Variants in COMMD1 observed in about 807,000 individuals in gnomAD.
COMMD1 encodes the protein copper metabolism domain containing 1.
In COMMD1, 10 loss-of-function variants were observed where a neutral mutation model predicts 17.2. The observed-to-expected ratio is 0.58, with a 90% CI of 0.36 to 0.99. The LOEUF (loss-of-function observed/expected upper bound fraction) is 0.99, where lower values mean the gene tolerates loss of function less well. Ranked by LOEUF, COMMD1 falls within the 50% of genes least tolerant of loss-of-function variation. COMMD1 has a pLI of 0.01. For missense variants in COMMD1, 270 were observed against 231.8 expected, an observed-to-expected ratio of 1.17 and a Z score of -1.07; for synonymous variants, 97 against 91.6, an observed-to-expected ratio of 1.06 and a Z score of -0.34.
chr2:61,891,917 C>T (rs910995105), intron 1 of COMMD1, among the ~76,000 whole-genome samples: 10 of 151,418 alleles, frequency 6.6e-5, no homozygotes, highest in Non-Finnish European at 1.2e-4. Flanking sequence ...CTGCAAGCTC[C>T]GCCTCCCGGG....
At position 62,025,939 on chromosome 2, in the gene COMMD1, C is replaced by G. The variant is rs147254407; in HGVS notation, c.462+24957C>G. ...AAACTCCTGGCCTCAAGTGATCTGC[C>G]TGCCTTGGCCTCCCAAAGTGGTGGG... On this transcript the variant is annotated intron_variant, in intron 2 of 2. Transcript: ENST00000311832. Among the ~76,000 whole-genome samples, 1,222 of 152,266 alleles carry G rather than the reference C, an allele frequency of 8.0e-3. 19 individuals are homozygous for G. The highest frequency in any genetic ancestry group is 0.028 in the African/African-American group (1,180 of 41,534).
intron 1 of COMMD1, among the ~76,000 whole-genome samples, chr2:61,984,416 A>G (rs1314011703): frequency 6.6e-6 from 1 of 152,198 alleles, no homozygotes; most frequent in South Asian, 2.1e-4. Flanking sequence ...ACAGTACCGT[A>G]TTGGTCATTC....
intron 2 of COMMD1, among the ~76,000 whole-genome samples, chr2:62,099,544 C>A (rs1391548082): frequency 1.3e-5 from 2 of 151,580 alleles, no homozygotes; most frequent in African/African-American, 4.8e-5. Flanking sequence ...CCTTTCCTCT[C>A]TTTTGGAGGG....
chr2:61,960,999 C>A (rs1573004658), intron 1 of COMMD1, among the ~76,000 whole-genome samples: 1 of 152,186 alleles, frequency 6.6e-6, no homozygotes, highest in African/African-American at 2.4e-5. Context: ...CTCTCTTCTC[C>A]CGGGGGCTGC....
rs538182738 is a variant in COMMD1, at chr2:61,946,907, C to T, written c.180+41049C>T. Among the ~76,000 whole-genome samples, 478 of 152,258 alleles carry T rather than the reference C, an allele frequency of 3.1e-3. 1 individual carries two copies. The highest frequency in any genetic ancestry group is 9.8e-3 in the African/African-American group (408 of 41,564). ...TTGCATTCCTTGGATACTTTTCATACAGAGTTGTCTCCCTTCATGCTTATT... is the reference window on the plus strand; with the variant it reads ...TTGCATTCCTTGGATACTTTTCATATAGAGTTGTCTCCCTTCATGCTTATT... On this transcript the variant is annotated intron_variant, in intron 1 of 2. Coordinates refer to ENST00000311832, the MANE Select transcript of COMMD1 (RefSeq NM_152516.4).
chr2:61,908,068 C>T (rs1000444146), intron 1 of COMMD1, among the ~76,000 whole-genome samples: 7 of 152,140 alleles, frequency 4.6e-5, no homozygotes, highest in African/African-American at 1.4e-4. Context: ...TGTGGAGTGG[C>T]ATGGCTCTCT....
At chr2:61,905,577 C>G (rs1669747832), upstream of COMMD1, 1 of 1,247,296 alleles carries the variant, frequency 8.0e-7, no homozygotes, top group East Asian at 2.6e-5. Flanking sequence ...CTCCAGGTTC[C>G]CCGAGGTTCC....
In COMMD1 at chr2:62,082,716, T is replaced by A. The variant is rs568253415; in HGVS notation, c.463-53115T>A. 2.1e-3 allele frequency among the ~76,000 whole-genome samples: 315 copies of A among 152,232 alleles called. 2 individuals carry two copies. The highest frequency in any genetic ancestry group is 6.8e-3 in the African/African-American group (283 of 41,550). On this transcript the variant is annotated intron_variant, in intron 2 of 2. Coordinates refer to ENST00000311832, the MANE Select transcript of COMMD1 (RefSeq NM_152516.4). ...CTCTACTAAAAATACAAAAATTAGC[T>A]GAGCGTGGTGGCACGTGCCTGTAGT...
At chr2:61,958,884 G>A (rs761088526) in intron 1 of COMMD1, among the ~76,000 whole-genome samples, 1 of 152,110 alleles carries the variant, frequency 6.6e-6, no homozygotes, top group Non-Finnish European at 1.5e-5. Context: ...TAGTACTTCA[G>A]TTCGTGCTTT....
At chr2:62,102,352 C>G (rs755511725) in intron 2 of COMMD1, among the ~76,000 whole-genome samples, 1 of 152,202 alleles carries the variant, frequency 6.6e-6, no homozygotes, top group Non-Finnish European at 1.5e-5. Context: ...AATCCTAGTA[C>G]AGATGCCATT....
intron 1 of COMMD1, among the ~76,000 whole-genome samples, chr2:61,927,253 T>C (rs1306147013): frequency 6.6e-6 from 1 of 152,196 alleles, no homozygotes; most frequent in Admixed American, 6.5e-5. Context: ...GAAACCTCAT[T>C]CTCATGCTAA....
At chr2:61,965,862 C>T (rs746511615) in intron 1 of COMMD1, among the ~76,000 whole-genome samples, 9 of 152,004 alleles carry the variant, frequency 5.9e-5, no homozygotes, top group Non-Finnish European at 1.0e-4. Context: ...GATTTTCAGA[C>T]GTACACAAAA....
intron 1 of COMMD1, among the ~76,000 whole-genome samples, chr2:61,965,002 C>G (rs1443080863): frequency 2.0e-5 from 3 of 152,114 alleles, no homozygotes; most frequent in African/African-American, 7.2e-5. Context: ...TGCCACTGTA[C>G]TCCAGCCTGG....
At chr2:61,983,822 C>A (rs1362256629) in intron 1 of COMMD1, among the ~76,000 whole-genome samples, 1 of 152,118 alleles carries the variant, frequency 6.6e-6, no homozygotes, top group African/African-American at 2.4e-5. Flanking sequence ...TTCTACATTT[C>A]AACTTCATTA....
Position 61,909,485 on chromosome 2 carries a change from A to C in COMMD1, c.180+3627A>C, listed in dbSNP as rs185450253. Reference sequence around the variant, plus strand: ...GCCGTATACAGGATTCTGAGTTAAGAACATAGCATGGGTGGGGTAGGAAAA... The same window carrying C: ...GCCGTATACAGGATTCTGAGTTAAGCACATAGCATGGGTGGGGTAGGAAAA... On this transcript the variant is annotated intron_variant, in intron 1 of 2. Coordinates refer to ENST00000311832, the MANE Select transcript of COMMD1 (RefSeq NM_152516.4). 3.9e-5 allele frequency among the ~76,000 whole-genome samples: 6 copies of C among 152,312 alleles called. No individual in the cohort carries two copies. The East Asian group carries it at 1.2e-3, about 29-fold the overall frequency.
chr2:62,104,397 G>A (rs535379462), intron 2 of COMMD1, among the ~76,000 whole-genome samples: 2 of 152,110 alleles, frequency 1.3e-5, no homozygotes, highest in South Asian at 4.1e-4. Flanking sequence ...ACTTTGGGAG[G>A]CGGAGGTGGG....
chr2:61,915,819 T>C (rs552963938), intron 1 of COMMD1: 2 of 344,034 alleles, frequency 5.8e-6, no homozygotes, highest in South Asian at 4.6e-5. Context: ...ATTTAACTTA[T>C]TTATTTTATT....
chr2:61,992,764 G>T (rs1672283729), intron 1 of COMMD1, among the ~76,000 whole-genome samples: 1 of 152,074 alleles, frequency 6.6e-6, no homozygotes, highest in Non-Finnish European at 1.5e-5. Context: ...ATACTACCTG[G>T]TTGAGAACCA....
intron 1 of COMMD1, among the ~76,000 whole-genome samples, chr2:61,973,989 T>C (rs759326358): frequency 2.0e-5 from 3 of 152,236 alleles, no homozygotes; most frequent in Non-Finnish European, 2.9e-5. Context: ...TTAGTTTCAC[T>C]TGCTCTAGAA....
Sources: allele counts gnomAD v4.1 joint callset (sites outside exome capture counted in the v4.1 genomes callset), GRCh38; gene constraint gnomAD v4.1.1; transcripts MANE v1.5; gene names NCBI Gene and HGNC (gene_info 2026-07-23, HGNC 2026-07-21).